The following COMMD9 variants were observed in gnomAD, a reference collection of about 807,000 sequenced individuals.
COMMD9 encodes COMM domain-containing protein 9.
COMMD9 carries 22 observed loss-of-function variants against 23.4 expected under a neutral mutation model. The ratio of observed to expected loss-of-function variants is 0.94; its 90% CI spans 0.67 to 1.34. The LOEUF (loss-of-function observed/expected upper bound fraction) is 1.34. Among genes scored for constraint, COMMD9 ranks in the 40% most tolerant of loss-of-function variants. The pLI is 0.00. For synonymous variants in COMMD9, 99 were observed against 97.4 expected (o/e 1.02, Z -0.10); for missense variants, 231 against 240.2 (o/e 0.96, Z 0.25).
rs903651698 is a variant in COMMD9 at position 36,274,297 on chromosome 11, G to A, written c.*335C>T. 1.8e-6 allele frequency: 1 copy of A among 541,030 alleles called. No individual in the cohort carries two copies. The highest frequency in any genetic ancestry group is 1.9e-5 in the African/African-American group (1 of 53,298). 33.5% of individuals were successfully genotyped at this position (541,030 alleles called of 1,614,324 possible). A position where few individuals can be genotyped will look rare whatever the true frequency, so the allele number is the denominator to read the frequency against. ...ACTTATTGGATAGGCTGCATGATTT[G>A]GGCCTGAATTTCTCAAACAGCTATG... On this transcript the variant is annotated 3_prime_UTR_variant, in exon 6 of 6. Transcript: ENST00000263401.
chr11:36,284,187 G>T (rs971560107), intron 1 of COMMD9, among the ~76,000 whole-genome samples: 6 of 151,946 alleles, frequency 3.9e-5, no homozygotes, highest in African/African-American at 1.4e-4. Context: ...GAAAGTAAAA[G>T]AATGAAAAAA....
chr11:36,280,772 C>G lies in COMMD9; in HGVS notation c.117G>C (p.Leu39Phe). 1 of 1,610,314 alleles carries G rather than the reference C, an allele frequency of 6.2e-7. No homozygotes were observed. The highest frequency in any genetic ancestry group is 8.5e-7 in the Non-Finnish European group (1 of 1,177,684). Residue 39 changes from leucine (L) to phenylalanine (F), a missense_variant, in exon 2 of 6, where the codon TTG becomes TTC. Coordinates refer to ENST00000263401, the MANE Select transcript of COMMD9 (RefSeq NM_014186.4). ...QESFSSSALG[L>F]KKLLDVTCSS... ...AACATGTAACATCCAAGAGTTTTTTCAAGCCAAGGGCTGAACTGGAAAAGC... is the reference window on the plus strand; with the variant it reads ...AACATGTAACATCCAAGAGTTTTTTGAAGCCAAGGGCTGAACTGGAAAAGC...
chr11:36,274,389 G>A lies in COMMD9; in HGVS notation c.*243C>T. On this transcript the variant is annotated 3_prime_UTR_variant, in exon 6 of 6. Coordinates refer to ENST00000263401, the MANE Select transcript of COMMD9 (RefSeq NM_014186.4). ...GGTGGTAATTAAGTTGCACTCAGGA[G>A]CTTTTCAAAGATGGGGGCTTCTGCT... The A allele has an allele frequency of 1.5e-6, 1 of 684,090 alleles. No homozygotes were observed. The highest frequency in any genetic ancestry group is 1.5e-5 in the South Asian group (1 of 66,806). 42.4% of individuals were successfully genotyped at this position (684,090 alleles called of 1,614,324 possible). A position where few individuals can be genotyped will look rare whatever the true frequency, so the allele number is the denominator to read the frequency against.
intron 4 of COMMD9, chr11:36,276,682 A>G (rs1855978419): frequency 1.0e-5 from 2 of 198,018 alleles, no homozygotes; most frequent in Non-Finnish European, 2.1e-5. Context: ...CCTAGCTCAC[A>G]GGGCTGAAGG....
At chr11:36,287,109 AG>A (rs1477504138) in intron 1 of COMMD9, among the ~76,000 whole-genome samples, 1 of 114,628 alleles carries the variant, frequency 8.7e-6, no homozygotes, top group Non-Finnish European at 1.9e-5. Context: ...TATATCGCGT[AG>A]TATGTATACT....
intron 1 of COMMD9, among the ~76,000 whole-genome samples, chr11:36,286,102 A>C (rs956136216): frequency 3.3e-5 from 5 of 152,236 alleles, no homozygotes; most frequent in Admixed American, 2.6e-4. Flanking sequence ...AACTGTCTCT[A>C]TTTGTAAATA....
intron 5 of COMMD9, 112 bp from the exon 6 acceptor site, chr11:36,274,884 G>T: frequency 2.3e-6 from 3 of 1,332,434 alleles, no homozygotes; most frequent in Non-Finnish European, 3.1e-6. Context: ...TCTGAAGAGA[G>T]GCTCTTTCCT....
chr11:36,274,738 G>A lies in COMMD9; in HGVS notation c.491C>T (p.Pro164Leu), dbSNP rs2133422301. ...CTCCACGGTGACAGCTGAGATGGAG[G>A]GTTTGTCTCCGCATAGGCTGGGATC... Reference protein sequence around the residue: ...QEDPSLCGDKPSISAVTVELS... With the variant: ...QEDPSLCGDKLSISAVTVELS... The change falls in exon 6 of 6, where the codon CCC becomes CTC. Residue 164 changes from proline to leucine, a missense_variant. Coordinates refer to ENST00000263401, the MANE Select transcript of COMMD9 (RefSeq NM_014186.4). 4 of 1,614,258 alleles carry A rather than the reference G, an allele frequency of 2.5e-6. No individual in the cohort carries two copies. Among genetic ancestry groups the A allele is most frequent in the Non-Finnish European group, 3.4e-6 (4 of 1,180,022 alleles).
chr11:36,280,845 T>C lies in COMMD9; in HGVS notation c.52-8A>G. 1 of 1,551,162 alleles carries C rather than the reference T, an allele frequency of 6.4e-7. No homozygotes were observed. Among genetic ancestry groups the C allele is most frequent in the Non-Finnish European group, 8.7e-7 (1 of 1,148,714 alleles). Reference sequence around the variant, plus strand: ...AACATCTTTCGAGGAGGCCTATGAATTAAATCACAGATAGGAAAAAAAAAA... The same window carrying C: ...AACATCTTTCGAGGAGGCCTATGAACTAAATCACAGATAGGAAAAAAAAAA... On this transcript the variant is annotated splice_polypyrimidine_tract_variant and splice_region_variant and intron_variant, in intron 1 of 5. Transcript: ENST00000263401.
At chr11:36,288,189 A>C (rs1010204748) in intron 1 of COMMD9, among the ~76,000 whole-genome samples, 1 of 152,154 alleles carries the variant, frequency 6.6e-6, no homozygotes, top group Admixed American at 6.5e-5. Context: ...TTGGGCATTA[A>C]CACTTGTGAA....
chr11:36,289,366 A>G lies in COMMD9; in HGVS notation c.47T>C (p.Leu16Pro). Reference sequence around the variant, plus strand: ...GTCCCCACCCCTTCGACTTACCTTGAGCAGGCTCTGGAGTGCTGCAAAATG... The same window carrying G: ...GTCCCCACCCCTTCGACTTACCTTGGGCAGGCTCTGGAGTGCTGCAAAATG... ...AEHFAALQSL[L>P]KASSKDVVRQ... Residue 16 changes from leucine to proline, a missense_variant, in exon 1 of 6, where the codon CTC becomes CCC. Coordinates refer to ENST00000263401, the MANE Select transcript of COMMD9 (RefSeq NM_014186.4). 6.4e-7 allele frequency: 1 copy of G among 1,551,716 alleles called. No homozygotes were observed. The highest frequency in any genetic ancestry group is 8.7e-7 in the Non-Finnish European group (1 of 1,146,962).
Position 36,274,609 on chromosome 11 carries a change from A to G in COMMD9, c.*23T>C. On this transcript the variant is annotated 3_prime_UTR_variant, in exon 6 of 6. Transcript: ENST00000263401. ...CACTCATGAGCAGCTGGGTCATGGCAGTGGCCCTGGCAGCTGGCTGGATCA... is the reference window on the plus strand; with the variant it reads ...CACTCATGAGCAGCTGGGTCATGGCGGTGGCCCTGGCAGCTGGCTGGATCA... The G allele has an allele frequency of 6.2e-7, 1 of 1,614,062 alleles. No homozygotes were observed. The highest frequency in any genetic ancestry group is 8.5e-7 in the Non-Finnish European group (1 of 1,179,958).
chr11:36,277,899 G>A (rs1358763490), intron 3 of COMMD9, among the ~76,000 whole-genome samples: 2 of 152,160 alleles, frequency 1.3e-5, no homozygotes, highest in African/African-American at 2.4e-5. Flanking sequence ...TCCTACTACT[G>A]TGGAAAAATA....
At chr11:36,281,873 C>A (rs1046140557) in intron 1 of COMMD9, among the ~76,000 whole-genome samples, 2 of 151,996 alleles carry the variant, frequency 1.3e-5, no homozygotes, top group Non-Finnish European at 2.9e-5. Context: ...TTTAAGTAGC[C>A]AGATAAATAT....
chr11:36,285,800 A>G (rs530406860), intron 1 of COMMD9, among the ~76,000 whole-genome samples: 235 of 152,322 alleles, frequency 1.5e-3, no homozygotes, highest in Non-Finnish European at 3.1e-3. Context: ...ACATGATATA[A>G]ATCAATGCAG....
At position 36,280,819 on chromosome 11, in the gene COMMD9, C is replaced by G. The variant is rs201813122; in HGVS notation, c.70G>C (p.Val24Leu). Reference protein sequence around the residue: ...SLLKASSKDVVRQLCQESFSS... With the variant: ...SLLKASSKDVLRQLCQESFSS... The stretch of plus-strand genomic sequence containing the variant: ...AAGCTTTCTTGACACAGCTGTCTGA[C>G]AACATCTTTCGAGGAGGCCTATGAA... Residue 24 changes from valine to leucine, a missense_variant, in exon 2 of 6, where the codon GTC becomes CTC. Transcript: ENST00000263401. 1.3e-4 allele frequency: 212 copies of G among 1,587,404 alleles called. No individual in the cohort carries two copies. Among genetic ancestry groups the G allele is most frequent in the Non-Finnish European group, 1.7e-4 (199 of 1,166,254 alleles).
Position 36,277,137 on chromosome 11 carries a change from A to C in COMMD9, c.318-14T>G. On this transcript the variant is annotated splice_polypyrimidine_tract_variant and intron_variant, in intron 3 of 5. Transcript: ENST00000263401. ...CTCCAAGTAGACCTGTTTAAGAGGG[A>C]AAGATGAGGAAAAAATAATGGAAAG... 6.3e-7 allele frequency: 1 copy of C among 1,578,066 alleles called. No individual in the cohort carries two copies. Among genetic ancestry groups the C allele is most frequent in the Non-Finnish European group, 8.6e-7 (1 of 1,161,270 alleles).
chr11:36,283,946 A>C (rs552754644), intron 1 of COMMD9, among the ~76,000 whole-genome samples: 1 of 152,308 alleles, frequency 6.6e-6, no homozygotes, highest in South Asian at 2.1e-4. Context: ...CTCTACAAAA[A>C]AATATAAAAA....
chr11:36,276,271 A>C, intron 4 of COMMD9, 31 bp from the exon 5 acceptor site: 40 of 1,487,480 alleles, frequency 2.7e-5, no homozygotes, highest in Non-Finnish European at 3.5e-5. Flanking sequence ...CTCAATGCTC[A>C]TGCCGCCCGT....
Sources: gnomAD v4.1 joint callset for allele counts (sites outside exome capture counted in the v4.1 genomes callset) on GRCh38, gnomAD v4.1.1 for gene constraint, MANE v1.5 for transcripts, NCBI Gene and HGNC (gene_info 2026-07-23, HGNC 2026-07-21) for gene names.